The following LRFN2 variants were observed in gnomAD, a reference collection of about 807,000 sequenced individuals.
LRFN2 encodes leucine-rich repeat and fibronectin type-III domain-containing protein 2.
LRFN2 carries 18 observed loss-of-function variants against 37.3 expected under a neutral mutation model. That is an observed-to-expected ratio of 0.48 (90% CI 0.33 to 0.72). The LOEUF (loss-of-function observed/expected upper bound fraction) is 0.72, where lower values mean the gene tolerates loss of function less well. LRFN2 is among the 30% of genes least tolerant of loss of function. The pLI, the probability that LRFN2 is intolerant of heterozygous loss-of-function variation, is 0.02. For synonymous variants in LRFN2, 556 were observed against 466.6 expected, an observed-to-expected ratio of 1.19 and a Z score of -2.47; for missense variants, 1,006 against 1,060.7, an observed-to-expected ratio of 0.95 and a Z score of 0.72.
chr6:40,392,273 G>A lies in LRFN2; in HGVS notation c.2040C>T (p.Ala680=), dbSNP rs771479171. 32 of 1,600,544 alleles carry A rather than the reference G, an allele frequency of 2.0e-5. 1 individual carries two copies. In the South Asian group the frequency reaches 3.1e-4, roughly 15 times the overall value. The part of the protein sequence containing the change: ...KEELLDSRTP[A]GRGAGTSARG... ...GGGCCGACGTCCCAGCCCCTCTCCCGGCTGGAGTCCTGGAGTCCAGCAGCT... is the reference window on the plus strand; with the variant it reads ...GGGCCGACGTCCCAGCCCCTCTCCCAGCTGGAGTCCTGGAGTCCAGCAGCT... Residue 680 remains alanine (A), a synonymous_variant, in exon 3 of 3, where the codon GCC becomes GCT. Transcript: ENST00000338305. The surrounding 1 kb of genome is among the most constrained non-coding windows in gnomAD (Gnocchi z 4.7).
In LRFN2 at chr6:40,392,270, C is replaced by A; in HGVS notation, c.2043G>T (p.Gly681=). Residue 681 remains glycine (G), a synonymous_variant, in exon 3 of 3, where the codon GGG becomes GGT. Coordinates refer to ENST00000338305, the MANE Select transcript of LRFN2 (RefSeq NM_020737.3). The surrounding 1 kb of genome is among the most constrained non-coding windows in gnomAD (Gnocchi z 4.7). ...CCCGGGCCGACGTCCCAGCCCCTCT[C>A]CCGGCTGGAGTCCTGGAGTCCAGCA... ...EELLDSRTPA[G]RGAGTSARGH... 6.3e-7 allele frequency: 1 copy of A among 1,599,032 alleles called. No homozygotes were observed. Among genetic ancestry groups the A allele is most frequent in the Admixed American group, 1.7e-5 (1 of 58,226 alleles).
chr6:40,431,642 C>A, intron 2 of LRFN2, 72 bp downstream of exon 2: 1 of 1,375,890 alleles, frequency 7.3e-7, no homozygotes. Context: ...GGAGCAGCCC[C>A]AAGACCTCCC....
At chr6:40,550,608 A>G (rs371844506) in intron 1 of LRFN2, among the ~76,000 whole-genome samples, 7 of 152,354 alleles carry the variant, frequency 4.6e-5, no homozygotes, top group African/African-American at 1.4e-4. Flanking sequence ...GGTACCGGGG[A>G]CCACAGACCA....
chr6:40,461,588 CAA>C lies in LRFN2; in HGVS notation c.-18-28459_-18-28458del, dbSNP rs11305426. ...TCCCCAGCCACCCCCCTCCCCCCGA[CAA>C]AAAAAAAAAACCCTCCCTTCAACAG... On this transcript the variant is annotated intron_variant, in intron 1 of 2. Transcript: ENST00000338305. 3.6e-3 allele frequency among the ~76,000 whole-genome samples: 462 copies of C among 129,650 alleles called. 4 individuals carry two copies. The highest frequency in any genetic ancestry group is 0.025 in the East Asian group (109 of 4,448). 85.1% of individuals were successfully genotyped at this position (129,650 alleles called of 152,430 possible).
intron 1 of LRFN2, among the ~76,000 whole-genome samples, chr6:40,521,251 C>T (rs6930433): frequency 0.26 from 40,271 of 152,042 alleles, 5,517 homozygotes; most frequent in Middle Eastern, 0.32. Context: ...AGCAGCAAGG[C>T]ACTCTTGAGG....
intron 1 of LRFN2, among the ~76,000 whole-genome samples, chr6:40,530,189 T>C (rs1470438424): frequency 6.6e-6 from 1 of 152,212 alleles, no homozygotes; most frequent in Admixed American, 6.5e-5. Context: ...CATACAGGCC[T>C]GCTCGGGGAA....
chr6:40,487,947 C>T (rs1418952073), intron 1 of LRFN2, among the ~76,000 whole-genome samples: 1 of 152,176 alleles, frequency 6.6e-6, no homozygotes, highest in African/African-American at 2.4e-5. Context: ...AAGCCCCAGA[C>T]TCCTCTGGCT....
Position 40,414,875 on chromosome 6 carries a change from A to G in LRFN2, c.1400+16839T>C, listed in dbSNP as rs971592753. 3.3e-5 allele frequency among the ~76,000 whole-genome samples: 5 copies of G among 152,204 alleles called. No individual in the cohort carries two copies. The East Asian group carries it at 5.8e-4, about 18-fold the overall frequency. On this transcript the variant is annotated intron_variant, in intron 2 of 2. Coordinates refer to ENST00000338305, the MANE Select transcript of LRFN2 (RefSeq NM_020737.3). ...AGAGGAGGCAGCAAGATGGTTCCGG[A>G]CAATGTGAGGGGAGTGGCTTTGTTG... is the stretch of plus-strand genomic sequence containing the variant.
At chr6:40,556,218 A>C (rs568477076) in intron 1 of LRFN2, among the ~76,000 whole-genome samples, 48 of 152,318 alleles carry the variant, frequency 3.2e-4, no homozygotes, top group African/African-American at 1.1e-3. Context: ...GCCCTCCCAC[A>C]GCCCCTCCTA....
At chr6:40,496,163 C>T (rs994709951) in intron 1 of LRFN2, among the ~76,000 whole-genome samples, 4 of 152,166 alleles carry the variant, frequency 2.6e-5, no homozygotes, top group Non-Finnish European at 4.4e-5. Flanking sequence ...TTGGCTCTAC[C>T]TCCAAAATGT....
At chr6:40,512,290 G>T (rs1041973278) in intron 1 of LRFN2, among the ~76,000 whole-genome samples, 7 of 152,188 alleles carry the variant, frequency 4.6e-5, no homozygotes, top group Non-Finnish European at 7.3e-5. Flanking sequence ...CCCGCTTCCT[G>T]TGGATAACAC....
At chr6:40,523,373 C>T (rs1007618575) in intron 1 of LRFN2, among the ~76,000 whole-genome samples, 3 of 152,148 alleles carry the variant, frequency 2.0e-5, no homozygotes, top group Non-Finnish European at 4.4e-5. Context: ...ACCCCACCCA[C>T]GCCCCACCAT....
At chr6:40,565,765 C>A (rs1767078643) in intron 1 of LRFN2, among the ~76,000 whole-genome samples, 1 of 151,668 alleles carries the variant, frequency 6.6e-6, no homozygotes, top group African/African-American at 2.4e-5. Context: ...CATGTTAGAC[C>A]TAAAACCATA....
At chr6:40,566,406 A>G (rs978335240) in intron 1 of LRFN2, among the ~76,000 whole-genome samples, 1 of 152,238 alleles carries the variant, frequency 6.6e-6, no homozygotes, top group African/African-American at 2.4e-5. Flanking sequence ...AGGATTATAA[A>G]TCATGCTGCT....
intron 2 of LRFN2, among the ~76,000 whole-genome samples, chr6:40,414,621 CCAAT>C (rs1763055006): frequency 6.6e-6 from 1 of 152,154 alleles, no homozygotes; most frequent in Non-Finnish European, 1.5e-5. Flanking sequence ...CCATTTATTT[CCAAT>C]CAAAGAAATG....
chr6:40,451,893 T>A (rs116170326), intron 1 of LRFN2, among the ~76,000 whole-genome samples: 3 of 152,198 alleles, frequency 2.0e-5, no homozygotes, highest in Non-Finnish European at 2.9e-5. Context: ...AAGGCACATA[T>A]GACACCTTTC....
At chr6:40,570,289 A>G (rs576711364) in intron 1 of LRFN2, among the ~76,000 whole-genome samples, 1 of 152,284 alleles carries the variant, frequency 6.6e-6, no homozygotes, top group East Asian at 1.9e-4. Flanking sequence ...GATAGCTAAT[A>G]TTTATTGAGC....
At position 40,433,689 on chromosome 6, in the gene LRFN2, G is replaced by A. The variant is rs182435515; in HGVS notation, c.-18-558C>T. ...TTGAACCAGCATTCCTTAAGAATGA[G>A]GTTGTAGATAAGAAGAGAGTTGGTG... On this transcript the variant is annotated intron_variant, in intron 1 of 2. Transcript: ENST00000338305. 2.0e-3 allele frequency among the ~76,000 whole-genome samples: 311 copies of A among 152,352 alleles called. 1 individual carries two copies. Among genetic ancestry groups the A allele is most frequent in the Non-Finnish European group, 3.8e-3 (257 of 68,030 alleles).
intron 1 of LRFN2, among the ~76,000 whole-genome samples, chr6:40,579,859 A>AT (rs1767363736): frequency 6.6e-6 from 1 of 151,838 alleles, no homozygotes; most frequent in African/African-American, 2.4e-5. Context: ...CATTCAATTA[A>AT]TGCTTGCTGA....
Sources: gnomAD v4.1 joint callset for allele counts (sites outside exome capture counted in the v4.1 genomes callset) on GRCh38, gnomAD v4.1.1 for gene constraint, Gnocchi (gnomAD v3.1) non-coding constraint, MANE v1.5 for transcripts, NCBI Gene and HGNC (gene_info 2026-07-23, HGNC 2026-07-21) for gene names.